Variants in HJURP observed in about 807,000 individuals in gnomAD.
HJURP encodes Holliday junction recognition protein.
HJURP carries 49 observed loss-of-function variants against 72.0 expected under a neutral mutation model. The ratio of observed to expected loss-of-function variants is 0.68; its 90% CI spans 0.54 to 0.86. The LOEUF is 0.86. HJURP is among the 40% of genes least tolerant of loss of function. The pLI is 0.00. For synonymous variants in HJURP, 357 were observed against 347.1 expected, an observed-to-expected ratio of 1.03 and a Z score of -0.32; for missense variants, 908 against 936.3, an observed-to-expected ratio of 0.97 and a Z score of 0.39.
rs1010314893 is a variant in HJURP, at chr2:233,841,968, A to G, written c.812T>C (p.Met271Thr). ...TGGCTTTGTGCTCAACAGCCGGCTCATGGAGTGCAGCATCCCTGCGTACAG... is the reference window on the plus strand; with the variant it reads ...TGGCTTTGTGCTCAACAGCCGGCTCGTGGAGTGCAGCATCCCTGCGTACAG... ...SDLYAGMLHS[M>T]SRLLSTKPSS... The change falls in exon 8 of 9, where the codon ATG becomes ACG. Residue 271 changes from methionine to threonine, a missense_variant. Coordinates refer to ENST00000411486, the MANE Select transcript of HJURP (RefSeq NM_018410.5). 1.9e-6 allele frequency: 3 copies of G among 1,614,082 alleles called. No homozygotes were observed. The highest frequency in any genetic ancestry group is 2.2e-5 in the East Asian group (1 of 44,898).
In HJURP at chr2:233,840,733, G is replaced by T. The variant is rs1009518158; in HGVS notation, c.2047C>A (p.Pro683Thr). The change falls in exon 8 of 9, where the codon CCC (proline) becomes ACC (threonine). Residue 683 changes from proline (P) to threonine (T), a missense_variant. Pro to Thr is a conservative substitution (Grantham distance 38). Around this residue, in one of 3 missense-constraint regions of HJURP, gnomAD observed 598 missense variants for 619.5 expected, o/e 0.97. Transcript: ENST00000411486. The stretch of plus-strand genomic sequence containing the variant: ...GAGCCCTGGGGTTCTGATAGCCTGG[G>T]TCTTTTTGCAGGGAACTGATGGTCC... Reference protein sequence around the residue: ...TRDHQFPAKRPRLSEPQGSGR... With the variant: ...TRDHQFPAKRTRLSEPQGSGR... 6.2e-7 allele frequency: 1 copy of T among 1,614,106 alleles called. No individual in the cohort carries two copies. Among genetic ancestry groups the T allele is most frequent in the Non-Finnish European group, 8.5e-7 (1 of 1,180,012 alleles).
chr2:233,845,673 T>A (rs1288032373), intron 6 of HJURP, 55 bp downstream of exon 6: 3 of 1,096,306 alleles, frequency 2.7e-6, no homozygotes, highest in Admixed American at 3.8e-5. Flanking sequence ...TGTACCTCAA[T>A]GTATTTAGTT....
At position 233,837,615 on chromosome 2, in the gene HJURP, C is replaced by G. The variant is rs548519674; in HGVS notation, c.2209G>C (p.Asp737His). ...GTTTCCAATTTTTCTAGCATGAAAT[C>G]ACTTTTCTCTTCCATCCTGTAAGAC... Reference protein sequence around the residue: ...NTSYRMEEKSDFMLEKLETKS... With the variant: ...NTSYRMEEKSHFMLEKLETKS... Residue 737 changes from aspartate (D) to histidine (H), a missense_variant, in exon 9 of 9, where the codon GAT (aspartate) becomes CAT (histidine). Coordinates refer to ENST00000411486, the MANE Select transcript of HJURP (RefSeq NM_018410.5). The G allele has an allele frequency of 6.2e-7, 1 of 1,611,586 alleles. No individual in the cohort carries two copies. The highest frequency in any genetic ancestry group is 2.2e-5 in the East Asian group (1 of 44,820).
In HJURP at chr2:233,841,822, A is replaced by C. The variant is rs757174444; in HGVS notation, c.958T>G (p.Ser320Ala). Reference sequence around the variant, plus strand: ...GAGCAGGGTATGAAGTTCTCCTTGGAGCTCCTCTGAGAACGTCTGGCTCCT... The same window carrying C: ...GAGCAGGGTATGAAGTTCTCCTTGGCGCTCCTCTGAGAACGTCTGGCTCCT... The part of the protein sequence containing the change: ...CKGARRSQRS[S>A]KENFIPCSEP... The change falls in exon 8 of 9, where the codon TCC (serine) becomes GCC (alanine). Residue 320 changes from serine to alanine, a missense_variant. By Grantham distance (99) the Ser-to-Ala change is moderately conservative. This residue lies in a region of HJURP where 598 missense variants were observed against 619.5 expected (regional missense o/e 0.97). Coordinates refer to ENST00000411486, the MANE Select transcript of HJURP (RefSeq NM_018410.5). The C allele has an allele frequency of 2.5e-6, 4 of 1,613,896 alleles. No individual in the cohort carries two copies.
In HJURP at chr2:233,854,517, C is replaced by A. The variant is rs749291573; in HGVS notation, c.-17G>T. On this transcript the variant is annotated 5_prime_UTR_variant, in exon 1 of 9. Transcript: ENST00000411486. The stretch of plus-strand genomic sequence containing the variant: ...ACCCAGCATCGGACCCAGCCAGTAC[C>A]CAAGCGCCAACCCGGACTGCAGGGC... 6.3e-7 allele frequency: 1 copy of A among 1,587,324 alleles called. No homozygotes were observed. Among genetic ancestry groups the A allele is most frequent in the African/African-American group, 1.4e-5 (1 of 73,968 alleles).
chr2:233,853,137 T>C (rs908777809), intron 2 of HJURP, among the ~76,000 whole-genome samples: 3 of 152,216 alleles, frequency 2.0e-5, no homozygotes, highest in African/African-American at 7.2e-5. Flanking sequence ...GTAGGATTTC[T>C]TTTAACTCAA....
Position 233,841,225 on chromosome 2 carries a change from C to T in HJURP, c.1555G>A (p.Asp519Asn), listed in dbSNP as rs112957873. Residue 519 changes from aspartate (D) to asparagine (N), a missense_variant, in exon 8 of 9, where the codon GAT (aspartate) becomes AAT (asparagine). Coordinates refer to ENST00000411486, the MANE Select transcript of HJURP (RefSeq NM_018410.5). ...LEAGRCLPKS[D>N]SSSSLPKTNP... ...GTCTTTGGAAGTGATGAAGATGAAT[C>T]GCTCTTGGGCAGGCACCTACCTGCT... 8.8e-4 allele frequency: 1,416 copies of T among 1,614,112 alleles called. 14 individuals are homozygous for T. In the African/African-American group the frequency reaches 0.015, roughly 18 times the overall value.
chr2:233,850,253 C>G (rs1164868183), intron 3 of HJURP, among the ~76,000 whole-genome samples: 1 of 152,214 alleles, frequency 6.6e-6, no homozygotes, highest in Non-Finnish European at 1.5e-5. Context: ...GCAAGTGGCC[C>G]CTGGGCAACT....
intron 7 of HJURP, among the ~76,000 whole-genome samples, 158 bp from the exon 8 acceptor site, chr2:233,842,363 G>T (rs969750876): frequency 7.2e-5 from 11 of 152,306 alleles, no homozygotes; most frequent in Non-Finnish European, 5.9e-5. Flanking sequence ...TCTTCTCAGA[G>T]ATATTTTTTG....
Position 233,846,108 on chromosome 2 carries a change from T to G in HJURP, c.403-288A>C. ...AAAAATCTGAATATTCATAGGTGAGTTCAGGACTCAACTACTGGTAATAAC... is the reference window on the plus strand; with the variant it reads ...AAAAATCTGAATATTCATAGGTGAGGTCAGGACTCAACTACTGGTAATAAC... On this transcript the variant is annotated intron_variant, in intron 5 of 8. Coordinates refer to ENST00000411486, the MANE Select transcript of HJURP (RefSeq NM_018410.5). The surrounding 1 kb of genome is among the most constrained non-coding windows in gnomAD (Gnocchi z 4.3). 1 of 291,734 alleles carries G rather than the reference T, an allele frequency of 3.4e-6. No homozygotes were observed. The highest frequency in any genetic ancestry group is 7.1e-5 in the East Asian group (1 of 14,144). 18.1% of individuals were successfully genotyped at this position (291,734 alleles called of 1,614,324 possible). A position where few individuals can be genotyped will look rare whatever the true frequency, so the allele number is the denominator to read the frequency against.
chr2:233,853,934 T>G lies in HJURP; in HGVS notation c.118-24A>C, dbSNP rs772449254. The G allele has an allele frequency of 9.3e-6, 15 of 1,611,052 alleles. No homozygotes were observed. The East Asian group carries it at 3.3e-4, about 36-fold the overall frequency. On this transcript the variant is annotated intron_variant, in intron 1 of 8. Transcript: ENST00000411486. ...TACTGCGGAGGAGGAAGGGGCTTCC[T>G]GTCAGGTTCCAGGGCCACGAGGGGC...
intron 1 of HJURP, 88 bp downstream of exon 1, chr2:233,854,296 G>C (rs538713761): frequency 3.4e-6 from 3 of 892,864 alleles, no homozygotes; most frequent in East Asian, 2.6e-5. Context: ...CGAGTCCTCA[G>C]AGCCCCTTCC....
chr2:233,854,467 C>T lies in HJURP; in HGVS notation c.34G>A (p.Asp12Asn). 1 of 1,612,776 alleles carries T rather than the reference C, an allele frequency of 6.2e-7. No homozygotes were observed. Among genetic ancestry groups the T allele is most frequent in the Non-Finnish European group, 8.5e-7 (1 of 1,179,524 alleles). The change falls in exon 1 of 9, where the codon GAC becomes AAC. Residue 12 changes from aspartate (D) to asparagine (N), a missense_variant. Around this residue, in one of 3 missense-constraint regions of HJURP, gnomAD observed 299 missense variants for 286.7 expected, o/e 1.04. Coordinates refer to ENST00000411486, the MANE Select transcript of HJURP (RefSeq NM_018410.5). ...TGCAGCAGCTGGTCGTCTTCCACGT[C>T]CTCGCCCTCCATGGCGCGCAGCGTA... The part of the protein sequence containing the change: ...LGTLRAMEGE[D>N]VEDDQLLQKL...
intron 5 of HJURP, 129 bp downstream of exon 5, chr2:233,847,268 G>C: frequency 1.4e-6 from 1 of 706,858 alleles, no homozygotes; most frequent in Non-Finnish European, 2.5e-6. Context: ...AGTAGCAAAA[G>C]CCAGCCTCAG....
chr2:233,849,979 C>T, intron 3 of HJURP, 120 bp from the exon 4 acceptor site: 1 of 651,310 alleles, frequency 1.5e-6, no homozygotes, highest in Non-Finnish European at 2.7e-6. Flanking sequence ...GAGCCTGCCA[C>T]AAGGCTTCTC....
At chr2:233,852,711 CA>C (rs369615353) in intron 2 of HJURP, 91 bp from the exon 3 acceptor site, 315 of 840,202 alleles carry the variant, frequency 3.7e-4, no homozygotes, top group East Asian at 5.5e-4. Context: ...AAGTGACAGG[CA>C]AAAAAAAGGT....
intron 8 of HJURP, among the ~76,000 whole-genome samples, chr2:233,838,474 A>G (rs1705136318): frequency 6.6e-6 from 1 of 152,144 alleles, no homozygotes; most frequent in Non-Finnish European, 1.5e-5. Flanking sequence ...CACTCATGGA[A>G]AGGGGTCTGC....
Position 233,841,988 on chromosome 2 carries a change from G to A in HJURP, c.792C>T (p.Tyr264=), listed in dbSNP as rs750260456. The change falls in exon 8 of 9, where the codon TAC becomes TAT. Residue 264 remains tyrosine (Y), a synonymous_variant. Transcript: ENST00000411486. ...DICNVTISDL[Y]AGMLHSMSRL... ...GGCTCATGGAGTGCAGCATCCCTGC[G>A]TACAGGTCACTGATGGTCACATTGC... 11 of 1,614,068 alleles carry A rather than the reference G, an allele frequency of 6.8e-6. No homozygotes were observed. The highest frequency in any genetic ancestry group is 5.3e-5 in the African/African-American group (4 of 74,926).
At chr2:233,845,855 CTTCTGAGTATAGCTGACCTTTTGGCT>C in intron 5 of HJURP, 35 bp from the exon 6 acceptor site, 7 of 1,437,858 alleles carry the variant, frequency 4.9e-6, no homozygotes, top group Non-Finnish European at 6.8e-6. Flanking sequence ...TTTTTAAGAG[CTTCTGAGTATAGCTGACCTTTTGGCT>C]TCTGGAACAA....
Sources: allele counts gnomAD v4.1 joint callset (sites outside exome capture counted in the v4.1 genomes callset), GRCh38; gene constraint gnomAD v4.1.1; regional missense constraint gnomAD v4.1.1; non-coding constraint Gnocchi (gnomAD v3.1); transcripts MANE v1.5; gene names NCBI Gene and HGNC (gene_info 2026-07-23, HGNC 2026-07-21).